Variants in FRMPD1 observed in about 807,000 individuals in gnomAD.
The protein encoded by FRMPD1 is FERM and PDZ domain containing 1.
Under a neutral mutation model 117.8 loss-of-function variants are expected in FRMPD1, and 76 were observed. That is an observed-to-expected ratio of 0.65 (90% confidence interval 0.54 to 0.78). The LOEUF (loss-of-function observed/expected upper bound fraction) is 0.78. Among genes scored for constraint, FRMPD1 ranks in the 30% least tolerant of loss-of-function variants. The pLI is 0.00. For missense variants in FRMPD1, 1,786 were observed against 1,964.5 expected (o/e 0.91, Z 1.72); for synonymous variants, 783 against 770.4 (o/e 1.02, Z -0.27).
intron 1 of FRMPD1, among the ~76,000 whole-genome samples, chr9:37,688,845 T>TA (rs1174523880): frequency 1.3e-5 from 2 of 152,112 alleles, no homozygotes; most frequent in East Asian, 3.8e-4. Context: ...ATTAACTTGC[T>TA]AATTGGGAGG....
chr9:37,603,549 A>G, the FRMPD1 span, among the ~76,000 whole-genome samples: 2 of 152,214 alleles, frequency 1.3e-5, no homozygotes, highest in Admixed American at 1.3e-4. Context: ...ATTCCTAAGT[A>G]TTGCAGTGGG....
At chr9:37,650,682 T>TC (rs1267139070), upstream of FRMPD1, among the ~76,000 whole-genome samples, 1 of 151,894 alleles carries the variant, frequency 6.6e-6, no homozygotes, top group Non-Finnish European at 1.5e-5. Flanking sequence ...AGCCTCAGTC[T>TC]CCCCCCTGGG....
Position 37,744,410 on chromosome 9 carries a change from C to A in FRMPD1, c.2378C>A (p.Ala793Glu). 6.2e-7 allele frequency: 1 copy of A among 1,606,278 alleles called. No individual in the cohort carries two copies. The highest frequency in any genetic ancestry group is 1.7e-5 in the Admixed American group (1 of 58,878). Reference protein sequence around the residue: ...PPSGPRDVSTAEPSATSLQNK... With the variant: ...PPSGPRDVSTEEPSATSLQNK... ...CCAGGGCCCAGAGATGTTTCTACTGCAGAACCCAGTGCCACAAGCTTGCAG... is the reference window on the plus strand; with the variant it reads ...CCAGGGCCCAGAGATGTTTCTACTGAAGAACCCAGTGCCACAAGCTTGCAG... Residue 793 changes from alanine to glutamate, a missense_variant, in exon 16 of 16, where the codon GCA becomes GAA. Transcript: ENST00000377765.
the FRMPD1 span, among the ~76,000 whole-genome samples, chr9:37,633,784 T>G: frequency 6.6e-6 from 1 of 152,166 alleles, no homozygotes; most frequent in Non-Finnish European, 1.5e-5. Context: ...TCATTTGAGC[T>G]TGGGAGGTTG....
chr9:37,622,093 C>T, the FRMPD1 span, among the ~76,000 whole-genome samples: 2 of 152,282 alleles, frequency 1.3e-5, no homozygotes, highest in East Asian at 3.9e-4. Context: ...AGAAGTAATA[C>T]TTTCATAGTG....
At chr9:37,695,408 T>C (rs559901926) in intron 2 of FRMPD1, among the ~76,000 whole-genome samples, 2 of 152,340 alleles carry the variant, frequency 1.3e-5, no homozygotes, top group South Asian at 4.1e-4. Context: ...TGGTTAATGA[T>C]ATTAAACATC....
At chr9:37,717,678 C>G (rs895792019) in intron 5 of FRMPD1, among the ~76,000 whole-genome samples, 2 of 152,244 alleles carry the variant, frequency 1.3e-5, no homozygotes, top group Middle Eastern at 3.4e-3. Flanking sequence ...CTGCACGCAG[C>G]CTGATTTTGC....
At chr9:37,707,960 G>A (rs1460896775) in intron 3 of FRMPD1, among the ~76,000 whole-genome samples, 1 of 152,210 alleles carries the variant, frequency 6.6e-6, no homozygotes, top group East Asian at 1.9e-4. Flanking sequence ...TTTGAACCTT[G>A]TGAAATACAG....
upstream of FRMPD1, among the ~76,000 whole-genome samples, chr9:37,649,733 C>G (rs1312032313): frequency 6.6e-6 from 1 of 152,176 alleles, no homozygotes; most frequent in Non-Finnish European, 1.5e-5. Flanking sequence ...CTGATGGTGC[C>G]TCAACCCTAC....
At chr9:37,616,614 C>T in the FRMPD1 span, among the ~76,000 whole-genome samples, 1 of 152,130 alleles carries the variant, frequency 6.6e-6, no homozygotes, top group Non-Finnish European at 1.5e-5. Context: ...GAAGAAATAT[C>T]ACATAATACT....
the FRMPD1 span, among the ~76,000 whole-genome samples, chr9:37,623,684 GAT>G: frequency 6.6e-6 from 1 of 152,054 alleles, no homozygotes; most frequent in Non-Finnish European, 1.5e-5. Context: ...CTGCAGAAAT[GAT>G]ATGATTAGAA....
the FRMPD1 span, among the ~76,000 whole-genome samples, chr9:37,623,998 C>T: frequency 0.022 from 3,355 of 152,136 alleles, 141 homozygotes; most frequent in African/African-American, 0.077. Flanking sequence ...GGGGCCCCAG[C>T]GGGAAGACAG....
chr9:37,674,686 G>A (rs1821465378), intron 1 of FRMPD1, among the ~76,000 whole-genome samples: 1 of 152,184 alleles, frequency 6.6e-6, no homozygotes, highest in Non-Finnish European at 1.5e-5. Flanking sequence ...GAGGCGAAAG[G>A]CACTTCTTAC....
At chr9:37,634,758 C>T in the FRMPD1 span, among the ~76,000 whole-genome samples, 6 of 147,740 alleles carry the variant, frequency 4.1e-5, no homozygotes, top group Admixed American at 6.7e-5. Flanking sequence ...GATTTTTTTT[C>T]TTCTTCTTTT....
chr9:37,697,578 A>G (rs111720691), intron 2 of FRMPD1, among the ~76,000 whole-genome samples: 4,539 of 152,134 alleles, frequency 0.03, 99 homozygotes, highest in South Asian at 0.081. Flanking sequence ...AAAAGAAAAA[A>G]AAAAGAAAAG....
chr9:37,716,997 C>A (rs770075005), intron 5 of FRMPD1, among the ~76,000 whole-genome samples: 13 of 152,128 alleles, frequency 8.5e-5, no homozygotes, highest in Non-Finnish European at 1.6e-4. Context: ...GACTAAGTTA[C>A]TTAGTTAGAA....
At chr9:37,615,630 T>C in the FRMPD1 span, among the ~76,000 whole-genome samples, 2 of 152,200 alleles carry the variant, frequency 1.3e-5, no homozygotes, top group Non-Finnish European at 1.5e-5. Flanking sequence ...GATCACTCAC[T>C]GTTGCCCTTA....
the FRMPD1 span, among the ~76,000 whole-genome samples, chr9:37,606,866 T>C: frequency 5.9e-5 from 9 of 152,186 alleles, no homozygotes; most frequent in South Asian, 2.1e-4. Context: ...GAACCATAGA[T>C]GTAAGGGAGT....
At chr9:37,631,397 T>C in the FRMPD1 span, among the ~76,000 whole-genome samples, 1 of 152,226 alleles carries the variant, frequency 6.6e-6, no homozygotes, top group Admixed American at 6.5e-5. Context: ...TAAAGGTAAC[T>C]GATTTTCTTG....
Sources: allele counts gnomAD v4.1 joint callset (sites outside exome capture counted in the v4.1 genomes callset), GRCh38; gene constraint gnomAD v4.1.1; transcripts MANE v1.5; gene names NCBI Gene and HGNC (gene_info 2026-07-23, HGNC 2026-07-21).